Variants in VAT1L observed in about 807,000 individuals in gnomAD.
The protein encoded by VAT1L is vesicle amine transport 1 like.
A neutral mutation model predicts 44.1 loss-of-function variants in VAT1L; 34 were observed. The observed-to-expected ratio is 0.77, with a 90% CI of 0.59 to 1.03. VAT1L has a LOEUF of 1.03. Among genes scored for constraint, VAT1L ranks in the 50% least tolerant of loss-of-function variants. The probability of loss-of-function intolerance (pLI) is 0.00; values close to 1 mark genes in which losing one functional copy is unlikely to be tolerated. For missense variants in VAT1L, 615 were observed against 538.8 expected (o/e 1.14, Z -1.40); for synonymous variants, 253 against 202.2 (o/e 1.25, Z -2.13).
intron 1 of VAT1L, among the ~76,000 whole-genome samples, chr16:77,807,200 C>G (rs2016176838): frequency 6.6e-6 from 1 of 152,168 alleles, no homozygotes; most frequent in Non-Finnish European, 1.5e-5. Context: ...GATCACACTA[C>G]TCTTCTTGTA....
At chr16:77,893,640 A>G (rs751438189) in intron 7 of VAT1L, among the ~76,000 whole-genome samples, 7 of 152,222 alleles carry the variant, frequency 4.6e-5, no homozygotes, top group Non-Finnish European at 8.8e-5. Context: ...GCTAAGTACT[A>G]GGCATTGTTC....
intron 1 of VAT1L, among the ~76,000 whole-genome samples, chr16:77,802,754 T>C (rs67993091): frequency 0.12 from 18,650 of 151,950 alleles, 1,263 homozygotes; most frequent in East Asian, 0.23. Flanking sequence ...CGCTGCTCCC[T>C]CCAAACTCTC....
Position 77,927,270 on chromosome 16 carries a change from A to T in VAT1L, c.1077+42468A>T, listed in dbSNP as rs1182146243. Among the ~76,000 whole-genome samples the T allele has an allele frequency of 2.0e-5, 3 of 150,732 alleles. No homozygotes were observed. The South Asian group carries it at 6.4e-4, about 32-fold the overall frequency. On this transcript the variant is annotated intron_variant, in intron 7 of 8. Coordinates refer to ENST00000302536, the MANE Select transcript of VAT1L (RefSeq NM_020927.3). ...GGAGAATGGCGTGAACCTGGGAGGC[A>T]GAGCTTGCAGTGAGCCGAGATCGCG...
intron 3 of VAT1L, among the ~76,000 whole-genome samples, chr16:77,857,846 T>TG (rs2016876994): frequency 6.6e-6 from 1 of 151,742 alleles, no homozygotes; most frequent in Non-Finnish European, 1.5e-5. Context: ...CTTTTTTTTT[T>TG]TTTTAACCAT....
intron 7 of VAT1L, among the ~76,000 whole-genome samples, chr16:77,930,941 C>T (rs1222223215): frequency 1.3e-5 from 2 of 152,248 alleles, no homozygotes; most frequent in Middle Eastern, 3.4e-3. Flanking sequence ...ATCTTCCAGG[C>T]GCTGTACTAA....
At chr16:77,825,107 T>C in intron 2 of VAT1L, 139 bp from the exon 3 acceptor site, 1 of 820,662 alleles carries the variant, frequency 1.2e-6, no homozygotes. Context: ...TCTTGATTGA[T>C]TCACCCACCT....
intron 3 of VAT1L, among the ~76,000 whole-genome samples, chr16:77,828,434 C>T (rs912960659): frequency 2.0e-5 from 3 of 152,094 alleles, no homozygotes; most frequent in East Asian, 3.9e-4. Flanking sequence ...GAGGCCAATG[C>T]GGGCGGATCA....
chr16:77,880,708 C>T (rs2017143932), intron 6 of VAT1L, among the ~76,000 whole-genome samples: 1 of 149,192 alleles, frequency 6.7e-6, no homozygotes, highest in Non-Finnish European at 1.5e-5. Flanking sequence ...ATGATCCTCT[C>T]ATTCACATAG....
rs376264360 is a variant in VAT1L at position 77,813,111 on chromosome 16, G to A, written c.234-3810G>A. 6.6e-4 allele frequency among the ~76,000 whole-genome samples: 101 copies of A among 152,056 alleles called. No individual in the cohort carries two copies. The Middle Eastern group carries it at 0.014, about 21-fold the overall frequency. ...GAATCAGATTACCTTAGAGAATACTGGAAACTGTAATTGTGCAAAACAGGG... is the reference window on the plus strand; with the variant it reads ...GAATCAGATTACCTTAGAGAATACTAGAAACTGTAATTGTGCAAAACAGGG... On this transcript the variant is annotated intron_variant, in intron 1 of 8. Coordinates refer to ENST00000302536, the MANE Select transcript of VAT1L (RefSeq NM_020927.3).
At chr16:77,933,951 G>A (rs1285162337) in intron 7 of VAT1L, among the ~76,000 whole-genome samples, 1 of 152,178 alleles carries the variant, frequency 6.6e-6, no homozygotes, top group Non-Finnish European at 1.5e-5. Context: ...ACCCACTGGA[G>A]TGCTTTGGGC....
chr16:77,841,143 C>G (rs9936737), intron 3 of VAT1L, among the ~76,000 whole-genome samples: 2,679 of 152,278 alleles, frequency 0.018, 78 homozygotes, highest in African/African-American at 0.062. Context: ...TGCAGTAGTG[C>G]AATCGGGGCT....
intron 2 of VAT1L, 134 bp from the exon 3 acceptor site, chr16:77,825,112 C>G: frequency 1.2e-6 from 1 of 863,810 alleles, no homozygotes; most frequent in South Asian, 1.6e-5. Context: ...ATTGATTCAC[C>G]CACCTCAGCC....
At chr16:77,826,197 A>G (rs1474103910) in intron 3 of VAT1L, among the ~76,000 whole-genome samples, 2 of 105,294 alleles carry the variant, frequency 1.9e-5, no homozygotes, top group Non-Finnish European at 3.9e-5. Context: ...ACAGAGCGAG[A>G]CTCCGTCTCA....
At position 77,888,431 on chromosome 16, in the gene VAT1L, T is replaced by G. The variant is rs373321314; in HGVS notation, c.1077+3629T>G. ...CACCAATACAGAGAAAGAGGACTAGTTGGACATTTTCTATGTTTAACAATA... is the reference window on the plus strand; with the variant it reads ...CACCAATACAGAGAAAGAGGACTAGGTGGACATTTTCTATGTTTAACAATA... On this transcript the variant is annotated intron_variant, in intron 7 of 8. Transcript: ENST00000302536. 4.6e-5 allele frequency among the ~76,000 whole-genome samples: 7 copies of G among 152,356 alleles called. No individual in the cohort carries two copies. In the South Asian group the frequency reaches 1.0e-3, roughly 23 times the overall value.
chr16:77,904,315 T>C (rs2017417576), intron 7 of VAT1L, among the ~76,000 whole-genome samples: 1 of 152,184 alleles, frequency 6.6e-6, no homozygotes. Context: ...TTTATTGCTT[T>C]ATTTCCATCC....
At chr16:77,938,004 C>CT (rs1270378791) in intron 7 of VAT1L, among the ~76,000 whole-genome samples, 1 of 152,218 alleles carries the variant, frequency 6.6e-6, no homozygotes, top group Non-Finnish European at 1.5e-5. Flanking sequence ...AAGAATGACT[C>CT]TAAGAGCGTA....
At chr16:77,843,315 G>C (rs912470070) in intron 3 of VAT1L, among the ~76,000 whole-genome samples, 3 of 152,036 alleles carry the variant, frequency 2.0e-5, no homozygotes, top group African/African-American at 7.3e-5. Context: ...AGCTCATGGG[G>C]CTGGCAGGGT....
At chr16:77,833,255 A>G (rs2016599982) in intron 3 of VAT1L, among the ~76,000 whole-genome samples, 1 of 152,220 alleles carries the variant, frequency 6.6e-6, no homozygotes, top group Admixed American at 6.5e-5. Context: ...CGTATAAATC[A>G]AATAGTCACA....
intron 5 of VAT1L, 83 bp downstream of exon 5, chr16:77,876,556 G>T: frequency 8.1e-7 from 1 of 1,234,030 alleles, no homozygotes; most frequent in East Asian, 2.3e-5. Context: ...AAAGTGAATT[G>T]TGCTGATATG....
Sources: allele counts gnomAD v4.1 joint callset (sites outside exome capture counted in the v4.1 genomes callset), GRCh38; gene constraint gnomAD v4.1.1; transcripts MANE v1.5; gene names NCBI Gene and HGNC (gene_info 2026-07-23, HGNC 2026-07-21).